KLF3: variants seen among roughly 807,000 people sequenced by gnomAD.
The protein encoded by KLF3 is Krueppel-like factor 3.
Under a neutral mutation model 32.7 loss-of-function variants are expected in KLF3, and 6 were observed. The observed-to-expected ratio is 0.18, with a 90% CI of 0.10 to 0.36. The LOEUF is 0.36. KLF3 is among the 10% of genes least tolerant of loss of function. KLF3 has a pLI of 1.00. For synonymous variants in KLF3, 145 were observed against 172.8 expected (o/e 0.84, Z 1.26); for missense variants, 338 against 449.7 (o/e 0.75, Z 2.25).
At chr4:38,687,044 GA>G (rs1262366329) in intron 2 of KLF3, among the ~76,000 whole-genome samples, 1 of 152,212 alleles carries the variant, frequency 6.6e-6, no homozygotes, top group Non-Finnish European at 1.5e-5. Flanking sequence ...GTGGCCACCA[GA>G]GGGGCCAAGG....
At chr4:38,666,316 A>C (rs1467908814) in intron 1 of KLF3, among the ~76,000 whole-genome samples, 2 of 152,350 alleles carry the variant, frequency 1.3e-5, no homozygotes, top group Non-Finnish European at 2.9e-5. Flanking sequence ...TATTCACTGC[A>C]AAGTTTCTAA....
At position 38,688,741 on chromosome 4, in the gene KLF3, C is replaced by T; in HGVS notation, c.214C>T (p.Pro72Ser). 2 of 1,614,206 alleles carry T rather than the reference C, an allele frequency of 1.2e-6. No homozygotes were observed. Among genetic ancestry groups the T allele is most frequent in the Non-Finnish European group, 1.7e-6 (2 of 1,180,042 alleles). Reference protein sequence around the residue: ...VDLTVNKRSSPPSAGNSPSSL... With the variant: ...VDLTVNKRSSSPSAGNSPSSL... ...CCTCACGGTGAACAAGCGGAGTTCA[C>T]CCCCTTCGGCTGGGAATTCGCCCTC... Residue 72 changes from proline (P) to serine (S), a missense_variant, in exon 3 of 6, where the codon CCC (proline) becomes TCC (serine). Coordinates refer to ENST00000261438, the MANE Select transcript of KLF3 (RefSeq NM_016531.6). The surrounding 1 kb of genome is among the most constrained non-coding windows in gnomAD (Gnocchi z 4.9).
In KLF3 at chr4:38,699,683, C is replaced by G. The variant is rs1723147969; in HGVS notation, c.*2420C>G. Reference sequence around the variant, plus strand: ...ACTCTTAACATTACTGTTCAGCTTGCTTAGATTGTGTTAACAGTTCATTTA... The same window carrying G: ...ACTCTTAACATTACTGTTCAGCTTGGTTAGATTGTGTTAACAGTTCATTTA... On this transcript the variant is annotated 3_prime_UTR_variant, in exon 6 of 6. Coordinates refer to ENST00000261438, the MANE Select transcript of KLF3 (RefSeq NM_016531.6). The G allele has an allele frequency of 6.6e-6, 1 of 152,184 alleles. No homozygotes were observed. The highest frequency in any genetic ancestry group is 1.5e-5 in the Non-Finnish European group (1 of 68,024). The allele number at this position is 152,184 out of a possible 1,614,324, so 9.4% of individuals were successfully genotyped here. A position where few individuals can be genotyped will look rare whatever the true frequency, so the allele number is the denominator to read the frequency against.
intron 4 of KLF3, among the ~76,000 whole-genome samples, chr4:38,693,228 C>T (rs1414318414): frequency 6.7e-6 from 1 of 149,926 alleles, no homozygotes; most frequent in African/African-American, 2.4e-5. Context: ...TGTATCTAAA[C>T]TTGGCCTATT....
At chr4:38,667,773 C>T (rs1326267288) in intron 1 of KLF3, among the ~76,000 whole-genome samples, 1 of 152,176 alleles carries the variant, frequency 6.6e-6, no homozygotes, top group Admixed American at 6.5e-5. Flanking sequence ...CCCTCGTTCA[C>T]GTTTAACCCA....
chr4:38,684,013 C>G (rs1044773185), intron 2 of KLF3, among the ~76,000 whole-genome samples: 2 of 152,172 alleles, frequency 1.3e-5, no homozygotes, highest in Non-Finnish European at 2.9e-5. Context: ...CTGGAACCCT[C>G]TCTTGGATGA....
At chr4:38,685,182 C>G (rs1722653994) in intron 2 of KLF3, among the ~76,000 whole-genome samples, 1 of 152,226 alleles carries the variant, frequency 6.6e-6, no homozygotes, top group African/African-American at 2.4e-5. Flanking sequence ...CCTGCCGTGT[C>G]AGTCCCTACA....
Position 38,688,569 on chromosome 4 carries a change from T to C in KLF3, c.58-16T>C. The C allele has an allele frequency of 1.3e-6, 2 of 1,556,864 alleles. No homozygotes were observed. Among genetic ancestry groups the C allele is most frequent in the Non-Finnish European group, 1.7e-6 (2 of 1,148,814 alleles). ...TTATTTGGCTGTTGACACGTTTTCC[T>C]TTTCTTTTCTAATAGTCATACCCAT... On this transcript the variant is annotated splice_polypyrimidine_tract_variant and intron_variant, in intron 2 of 5. Coordinates refer to ENST00000261438, the MANE Select transcript of KLF3 (RefSeq NM_016531.6). This position sits in a 1 kb window ranked among gnomAD's most constrained non-coding sequence, Gnocchi z 4.9.
rs554199791 is a variant in KLF3 at position 38,674,264 on chromosome 4, C to T, written c.-39-6323C>T. ...TGTTGCCTGTCCCCTGTATTTCTGG[C>T]TAGGGCAACTGTCCTTAAATAATAC... is the stretch of plus-strand genomic sequence containing the variant. On this transcript the variant is annotated intron_variant, in intron 1 of 5. Transcript: ENST00000261438. The surrounding 1 kb of genome is among the most constrained non-coding windows in gnomAD (Gnocchi z 4.1). 6.6e-6 allele frequency among the ~76,000 whole-genome samples: 1 copy of T among 152,214 alleles called. No homozygotes were observed. Among genetic ancestry groups the T allele is most frequent in the East Asian group, 1.9e-4 (1 of 5,176 alleles).
chr4:38,669,918 A>G, intron 1 of KLF3, among the ~76,000 whole-genome samples: 1 of 141,060 alleles, frequency 7.1e-6, no homozygotes, highest in African/African-American at 2.7e-5. Context: ...AAAAAAAAAA[A>G]AAAAAGATGT....
intron 2 of KLF3, among the ~76,000 whole-genome samples, chr4:38,685,681 T>C (rs915390150): frequency 6.6e-6 from 1 of 152,228 alleles, no homozygotes; most frequent in African/African-American, 2.4e-5. Context: ...AGGGAGGTCT[T>C]GGAAGAACAG....
intron 2 of KLF3, among the ~76,000 whole-genome samples, chr4:38,686,580 C>T (rs1722706573): frequency 1.3e-5 from 2 of 152,176 alleles, no homozygotes; most frequent in African/African-American, 2.4e-5. Context: ...GTCCACTCCC[C>T]GGTAATTCAA....
At chr4:38,692,914 C>T (rs1237974894) in intron 4 of KLF3, among the ~76,000 whole-genome samples, 1 of 151,792 alleles carries the variant, frequency 6.6e-6, no homozygotes, top group East Asian at 1.9e-4. Flanking sequence ...GAAATATTTT[C>T]ATTAGATGGC....
chr4:38,700,154 T>C lies in KLF3; in HGVS notation c.*2891T>C, dbSNP rs918886751. On this transcript the variant is annotated 3_prime_UTR_variant, in exon 6 of 6. Coordinates refer to ENST00000261438, the MANE Select transcript of KLF3 (RefSeq NM_016531.6). ...CATAAATGGGCATTAACATTCTAAA[T>C]TGCTTGGTTTGGAGAATGTGTTAGC... 29 of 152,210 alleles carry C rather than the reference T, an allele frequency of 1.9e-4. No individual in the cohort carries two copies. Among genetic ancestry groups the C allele is most frequent in the African/African-American group, 6.5e-4 (27 of 41,462 alleles). The allele number at this position is 152,210 out of a possible 1,614,324, so 9.4% of individuals were successfully genotyped here.
At chr4:38,684,529 T>G (rs1350673636) in intron 2 of KLF3, among the ~76,000 whole-genome samples, 3 of 137,766 alleles carry the variant, frequency 2.2e-5, no homozygotes, top group Non-Finnish European at 3.0e-5. Context: ...TTTTTTTGTT[T>G]TGGTTTTTTG....
At position 38,699,182 on chromosome 4, in the gene KLF3, C is replaced by G. The variant is rs1203548763; in HGVS notation, c.*1919C>G. On this transcript the variant is annotated 3_prime_UTR_variant, in exon 6 of 6. Coordinates refer to ENST00000261438, the MANE Select transcript of KLF3 (RefSeq NM_016531.6). Reference sequence around the variant, plus strand: ...GGGTTTGATTTTCCTTTTTTTAAAGCACTGCAAAACTTCTTTAGGATACTA... The same window carrying G: ...GGGTTTGATTTTCCTTTTTTTAAAGGACTGCAAAACTTCTTTAGGATACTA... The G allele has an allele frequency of 6.6e-6, 1 of 152,092 alleles. No individual in the cohort carries two copies. The highest frequency in any genetic ancestry group is 1.5e-5 in the Non-Finnish European group (1 of 68,014). 9.4% of individuals were successfully genotyped at this position (152,092 alleles called of 1,614,324 possible). A position where few individuals can be genotyped will look rare whatever the true frequency, so the allele number is the denominator to read the frequency against.
At chr4:38,693,030 T>C (rs932035603) in intron 4 of KLF3, among the ~76,000 whole-genome samples, 6 of 148,786 alleles carry the variant, frequency 4.0e-5, no homozygotes, top group African/African-American at 1.5e-4. Flanking sequence ...CCTCTCACTT[T>C]GCTGTGTTCT....
At chr4:38,693,132 G>GTA (rs1451232384) in intron 4 of KLF3, among the ~76,000 whole-genome samples, 12 of 116,932 alleles carry the variant, frequency 1.0e-4, no homozygotes, top group South Asian at 2.7e-4. Context: ...ATATATACGT[G>GTA]TATATATATG....
chr4:38,664,891 G>C (rs1267726405), intron 1 of KLF3: 1 of 152,082 alleles, frequency 6.6e-6, no homozygotes, highest in Non-Finnish European at 1.5e-5. Context: ...TTTGGAGAAA[G>C]GTAGCGCCGC....
Sources: allele counts gnomAD v4.1 joint callset (sites outside exome capture counted in the v4.1 genomes callset), GRCh38; gene constraint gnomAD v4.1.1; non-coding constraint Gnocchi (gnomAD v3.1); transcripts MANE v1.5; gene names NCBI Gene and HGNC (gene_info 2026-07-23, HGNC 2026-07-21).